Variants in TEK observed in about 807,000 individuals in gnomAD.
The protein encoded by TEK is angiopoietin-1 receptor.
A neutral mutation model predicts 131.8 loss-of-function variants in TEK; 43 were observed. The observed-to-expected ratio is 0.33, with a 90% confidence interval of 0.26 to 0.42. TEK has a LOEUF of 0.42. Among genes scored for constraint, TEK ranks in the 10% least tolerant of loss-of-function variants. The pLI, the probability that TEK is intolerant of heterozygous loss-of-function variation, is 1.00. For synonymous variants in TEK, 580 were observed against 491.6 expected (o/e 1.18, Z -2.38); for missense variants, 1,162 against 1,384.4 (o/e 0.84, Z 2.55).
chr9:27,117,266 G>A (rs369898868), intron 1 of TEK, among the ~76,000 whole-genome samples: 461 of 152,260 alleles, frequency 3.0e-3, no homozygotes, highest in African/African-American at 0.011. Flanking sequence ...TTTACAGAGA[G>A]CCAGCTGCAC....
intron 1 of TEK, among the ~76,000 whole-genome samples, chr9:27,139,081 C>T (rs970549940): frequency 2.0e-5 from 3 of 151,176 alleles, no homozygotes; most frequent in African/African-American, 4.9e-5. Flanking sequence ...TGGTGGTGGG[C>T]GTCTGTAGTC....
chr9:27,174,465 A>T (rs544791291), intron 6 of TEK, among the ~76,000 whole-genome samples: 1 of 152,356 alleles, frequency 6.6e-6, no homozygotes, highest in South Asian at 2.1e-4. Flanking sequence ...ATATGTTAAA[A>T]ACATTATCAG....
In TEK at chr9:27,173,296, T is replaced by C. The variant is rs572299128; in HGVS notation, c.835T>C (p.Phe279Leu). Residue 279 changes from phenylalanine to leucine, a missense_variant, in exon 6 of 23, where the codon TTC becomes CTC. Physicochemically the swap from Phe to Leu is conservative, Grantham distance 22 (BLOSUM62 0). Transcript: ENST00000380036. Reference protein sequence around the residue: ...SGQEGCKSYVFCLPDPYGCSC... With the variant: ...SGQEGCKSYVLCLPDPYGCSC... ...ACAAGAGGGATGCAAGTCTTATGTG[T>C]TCTGTCTCCCTGACCCCTATGGGTG... is the stretch of plus-strand genomic sequence containing the variant. The C allele has an allele frequency of 6.2e-7, 1 of 1,614,128 alleles. No individual in the cohort carries two copies. Among genetic ancestry groups the C allele is most frequent in the African/African-American group, 1.3e-5 (1 of 75,060 alleles).
rs192668607 is a variant in TEK, at chr9:27,188,904, G to C, written c.1328-1625G>C. Among the ~76,000 whole-genome samples, 585 of 152,208 alleles carry C rather than the reference G, an allele frequency of 3.8e-3. 1 individual carries two copies. The highest frequency in any genetic ancestry group is 6.7e-3 in the Admixed American group (103 of 15,266). On this transcript the variant is annotated intron_variant, in intron 9 of 22. Transcript: ENST00000380036. ...CTTGGAGAAAATTAAAGCAGAAATG[G>C]GGGTAGAGAATGCTGGGGCAGGGCT...
intron 1 of TEK, among the ~76,000 whole-genome samples, chr9:27,116,999 C>A (rs1434634475): frequency 6.6e-6 from 1 of 151,184 alleles, no homozygotes; most frequent in Admixed American, 6.6e-5. Flanking sequence ...GTAGCTGGGA[C>A]TACAGGCGCC....
chr9:27,134,006 T>G (rs970458754), intron 1 of TEK, among the ~76,000 whole-genome samples: 1 of 152,178 alleles, frequency 6.6e-6, no homozygotes, highest in Non-Finnish European at 1.5e-5. Context: ...GAAACTGAAC[T>G]GTGAGGCATG....
At chr9:27,158,869 C>T (rs938375739) in intron 2 of TEK, among the ~76,000 whole-genome samples, 1 of 152,098 alleles carries the variant, frequency 6.6e-6, no homozygotes, top group African/African-American at 2.4e-5. Flanking sequence ...CCATATTGGC[C>T]AGGACGATCT....
intron 1 of TEK, among the ~76,000 whole-genome samples, chr9:27,111,150 T>G (rs1022351066): frequency 6.6e-6 from 1 of 152,096 alleles, no homozygotes; most frequent in Non-Finnish European, 1.5e-5. Flanking sequence ...CAAAAAGGTA[T>G]GTAGCCAAAA....
At chr9:27,167,157 C>A (rs959267988) in intron 2 of TEK, among the ~76,000 whole-genome samples, 1 of 152,234 alleles carries the variant, frequency 6.6e-6, no homozygotes, top group East Asian at 1.9e-4. Flanking sequence ...GTCCAATAAG[C>A]CAAGGGAATC....
chr9:27,158,891 C>G (rs143207539), intron 2 of TEK, among the ~76,000 whole-genome samples: 1 of 152,198 alleles, frequency 6.6e-6, no homozygotes, highest in Non-Finnish European at 1.5e-5. Context: ...GATCTGTAGA[C>G]CTCGTGATCT....
At chr9:27,142,767 A>G (rs887901547) in intron 1 of TEK, among the ~76,000 whole-genome samples, 2 of 152,234 alleles carry the variant, frequency 1.3e-5, no homozygotes, top group African/African-American at 2.4e-5. Context: ...GATGTTTTAC[A>G]TTTGAGATCT....
intron 1 of TEK, among the ~76,000 whole-genome samples, chr9:27,113,959 A>G (rs1479844164): frequency 1.3e-5 from 2 of 152,076 alleles, no homozygotes; most frequent in Non-Finnish European, 2.9e-5. Flanking sequence ...GGCATCTTTC[A>G]TCTCTACTCT....
intron 1 of TEK, among the ~76,000 whole-genome samples, chr9:27,122,868 A>G (rs993937672): frequency 6.6e-6 from 1 of 151,748 alleles, no homozygotes; most frequent in Non-Finnish European, 1.5e-5. Flanking sequence ...CCTGGCTAAT[A>G]CAGTGAAACC....
At chr9:27,213,716 G>A in intron 18 of TEK, 119 bp downstream of exon 18, 1 of 764,580 alleles carries the variant, frequency 1.3e-6, no homozygotes, top group South Asian at 1.4e-5. Context: ...GTATGTCCCA[G>A]TAGATACTGT....
intron 1 of TEK, among the ~76,000 whole-genome samples, chr9:27,135,199 T>A (rs2131069890): frequency 6.8e-6 from 1 of 147,890 alleles, no homozygotes; most frequent in Middle Eastern, 3.5e-3. Flanking sequence ...ACTCCAGCCT[T>A]GGTGACAGAG....
chr9:27,211,658 T>C (rs1825636412), intron 16 of TEK, among the ~76,000 whole-genome samples: 1 of 151,696 alleles, frequency 6.6e-6, no homozygotes, highest in Non-Finnish European at 1.5e-5. Context: ...TTTGTAGAGA[T>C]TAGGTCTCAG....
At chr9:27,183,635 T>A (rs778612246) in intron 8 of TEK, 25 bp downstream of exon 8, 5 of 1,613,426 alleles carry the variant, frequency 3.1e-6, no homozygotes, top group Non-Finnish European at 4.2e-6. Flanking sequence ...TAATTTGCCC[T>A]TCTTAAAGCA....
chr9:27,142,674 C>T (rs1452245789), intron 1 of TEK, among the ~76,000 whole-genome samples: 1 of 152,202 alleles, frequency 6.6e-6, no homozygotes, highest in Non-Finnish European at 1.5e-5. Flanking sequence ...AAGGGGTTCC[C>T]AGTCAAACAA....
At chr9:27,131,431 A>G (rs1822214631) in intron 1 of TEK, among the ~76,000 whole-genome samples, 1 of 150,152 alleles carries the variant, frequency 6.7e-6, no homozygotes, top group Non-Finnish European at 1.5e-5. Context: ...GTGAGCTGAG[A>G]TCATGCCACT....
Sources: allele counts gnomAD v4.1 joint callset (sites outside exome capture counted in the v4.1 genomes callset), GRCh38; gene constraint gnomAD v4.1.1; transcripts MANE v1.5; gene names NCBI Gene and HGNC (gene_info 2026-07-23, HGNC 2026-07-21).